The following ICE1 variants were observed in gnomAD, a reference collection of about 807,000 sequenced individuals.
The protein encoded by ICE1 is little elongation complex subunit 1.
In ICE1, 64 loss-of-function variants were observed where a neutral mutation model predicts 192.7. The ratio of observed to expected loss-of-function variants is 0.33; its 90% CI spans 0.27 to 0.41. The LOEUF (loss-of-function observed/expected upper bound fraction) is 0.41. Among genes scored for constraint, ICE1 ranks in the 10% least tolerant of loss-of-function variants. The pLI, the probability that ICE1 is intolerant of heterozygous loss-of-function variation, is 1.00. For synonymous variants in ICE1, 1,010 were observed against 984.5 expected (o/e 1.03, Z -0.49); for missense variants, 2,708 against 2,696.0 (o/e 1.00, Z -0.10).
chr5:5,468,795 C>CAA, intron 14 of ICE1, 33 bp from the exon 15 acceptor site: 1 of 1,315,164 alleles, frequency 7.6e-7, no homozygotes, highest in African/African-American at 1.5e-5. Flanking sequence ...GATCATACAT[C>CAA]AAAGAGTTAT....
chr5:5,464,249 C>T lies in ICE1; in HGVS notation c.4915C>T (p.Leu1639=). Residue 1639 remains leucine (L), a synonymous_variant, in exon 13 of 19, where the codon CTG becomes TTG. Transcript: ENST00000296564. The surrounding 1 kb of genome is among the most constrained non-coding windows in gnomAD (Gnocchi z 4.0). The stretch of plus-strand genomic sequence containing the variant: ...TCCTTTGCCGCCTCTGCTTGCTCCT[C>T]TGATAGCTACACCTCCAAGGACTTC... The part of the protein sequence containing the change: ...GPPLPPLLAP[L]IATPPRTSQP... 9 of 1,613,688 alleles carry T rather than the reference C, an allele frequency of 5.6e-6. No individual in the cohort carries two copies. The highest frequency in any genetic ancestry group is 7.6e-6 in the Non-Finnish European group (9 of 1,179,844).
chr5:5,436,409 T>C lies in ICE1; in HGVS notation c.85-9T>C. 6.8e-7 allele frequency: 1 copy of C among 1,460,430 alleles called. No individual in the cohort carries two copies. Among genetic ancestry groups the C allele is most frequent in the Non-Finnish European group, 9.1e-7 (1 of 1,099,390 alleles). The allele number at this position is 1,460,430 out of a possible 1,614,324, so 90.5% of individuals were successfully genotyped here. ...ATAAAAAAGCTGACTGTGGCTTTTT[T>C]TCTTTCAGAATTTGAATGAATATGT... On this transcript the variant is annotated splice_polypyrimidine_tract_variant and intron_variant, in intron 1 of 18. Transcript: ENST00000296564.
Position 5,462,689 on chromosome 5 carries a change from G to A in ICE1, c.3355G>A (p.Gly1119Arg). 6.2e-7 allele frequency: 1 copy of A among 1,613,910 alleles called. No homozygotes were observed. Among genetic ancestry groups the A allele is most frequent in the East Asian group, 2.2e-5 (1 of 44,876 alleles). Residue 1119 changes from glycine to arginine, a missense_variant, in exon 13 of 19, where the codon GGG (glycine) becomes AGG (arginine). Physicochemically the swap from Gly to Arg is moderately radical, Grantham distance 125 (BLOSUM62 -2). Around this residue, in one of 2 missense-constraint regions of ICE1, gnomAD observed 2,366 missense variants for 2,276.6 expected, o/e 1.04. Transcript: ENST00000296564. ...VESEAFSCSE[G>R]SEQQDAPDDS... ...GAGTGAGGCATTTAGCTGCAGTGAG[G>A]GGAGCGAACAGCAAGATGCTCCTGA...
intron 11 of ICE1, among the ~76,000 whole-genome samples, chr5:5,455,958 G>GT (rs201237982): frequency 4.0e-4 from 59 of 147,972 alleles, no homozygotes; most frequent in Middle Eastern, 7.1e-3. Flanking sequence ...AAAAGTTCCT[G>GT]TTTTTTTTTT....
intron 3 of ICE1, chr5:5,437,938 TACCTG>T (rs1395458985): frequency 1.3e-5 from 2 of 152,276 alleles, no homozygotes; most frequent in Non-Finnish European, 2.9e-5. Context: ...ATTTATGTCA[TACCTG>T]AACTTACATG....
chr5:5,440,702 A>G (rs1051355542), intron 4 of ICE1, among the ~76,000 whole-genome samples: 1 of 152,094 alleles, frequency 6.6e-6, no homozygotes, highest in Non-Finnish European at 1.5e-5. Flanking sequence ...CTCAAATAGT[A>G]AATAGTACTA....
intron 1 of ICE1, among the ~76,000 whole-genome samples, chr5:5,425,880 GT>G (rs1211791826): frequency 6.6e-6 from 1 of 152,204 alleles, no homozygotes; most frequent in Non-Finnish European, 1.5e-5. Context: ...GAAGAAAAAG[GT>G]TCTGAATATG....
chr5:5,456,573 A>G (rs1738588234), intron 11 of ICE1, among the ~76,000 whole-genome samples: 1 of 152,098 alleles, frequency 6.6e-6, no homozygotes, highest in South Asian at 2.1e-4. Flanking sequence ...TGGGTCCTTC[A>G]TAAATACTCC....
At chr5:5,470,039 G>A (rs1285841771) in intron 15 of ICE1, among the ~76,000 whole-genome samples, 1 of 152,066 alleles carries the variant, frequency 6.6e-6, no homozygotes, top group African/African-American at 2.4e-5. Context: ...GCCTTCCGAG[G>A]GTTACCTGTT....
At position 5,443,156 on chromosome 5, in the gene ICE1, C is replaced by A; in HGVS notation, c.310-12C>A. On this transcript the variant is annotated splice_polypyrimidine_tract_variant and intron_variant, in intron 5 of 18. Coordinates refer to ENST00000296564, the MANE Select transcript of ICE1 (RefSeq NM_015325.3). ...CATTTTGACAATATCTGTTTTTTTT[C>A]TTTTTTTAAAGAGTTCTTTAAAGTT... 1 of 1,414,602 alleles carries A rather than the reference C, an allele frequency of 7.1e-7. No homozygotes were observed. The highest frequency in any genetic ancestry group is 1.3e-5 in the South Asian group (1 of 74,074). The allele number at this position is 1,414,602 out of a possible 1,614,324, so 87.6% of individuals were successfully genotyped here.
Position 5,464,700 on chromosome 5 carries a change from C to T in ICE1, c.5366C>T (p.Pro1789Leu). 2 of 1,613,996 alleles carry T rather than the reference C, an allele frequency of 1.2e-6. No homozygotes were observed. The highest frequency in any genetic ancestry group is 1.7e-6 in the Non-Finnish European group (2 of 1,179,880). The change falls in exon 13 of 19, where the codon CCT becomes CTT. Residue 1789 changes from proline (P) to leucine (L), a missense_variant. By Grantham distance (98) the Pro-to-Leu change is moderately conservative. Around this residue, in one of 2 missense-constraint regions of ICE1, gnomAD observed 2,366 missense variants for 2,276.6 expected, o/e 1.04. Coordinates refer to ENST00000296564, the MANE Select transcript of ICE1 (RefSeq NM_015325.3). This position sits in a 1 kb window ranked among gnomAD's most constrained non-coding sequence, Gnocchi z 4.0. ...PPADCKNLPG[P>L]ASAMIGFKTI... ...GCTGACTGTAAGAATTTACCGGGAC[C>T]TGCCAGTGCTATGATAGGATTCAAA... is the stretch of plus-strand genomic sequence containing the variant.
chr5:5,432,018 C>T (rs1023494912), intron 1 of ICE1, among the ~76,000 whole-genome samples: 1 of 151,414 alleles, frequency 6.6e-6, no homozygotes, highest in Non-Finnish European at 1.5e-5. Flanking sequence ...TATTTTGAGT[C>T]TTTGTTAGCT....
chr5:5,461,312 A>G lies in ICE1; in HGVS notation c.1978A>G (p.Thr660Ala), dbSNP rs376762011. 1.9e-6 allele frequency: 3 copies of G among 1,613,802 alleles called. No individual in the cohort carries two copies. Among genetic ancestry groups the G allele is most frequent in the African/African-American group, 1.3e-5 (1 of 74,928 alleles). ...GLDCGNDTDI[T>A]TKVFSTEPHH... ...AGACTGTGGTAATGATACAGATATT[A>G]CTACTAAAGTATTCTCTACTGAACC... The change falls in exon 13 of 19, where the codon ACT becomes GCT. Residue 660 changes from threonine (T) to alanine (A), a missense_variant. Around this residue, in one of 2 missense-constraint regions of ICE1, gnomAD observed 2,366 missense variants for 2,276.6 expected, o/e 1.04. Transcript: ENST00000296564.
intron 16 of ICE1, among the ~76,000 whole-genome samples, chr5:5,475,438 G>A (rs1739280625): frequency 6.6e-6 from 1 of 152,186 alleles, no homozygotes; most frequent in Admixed American, 6.5e-5. Context: ...GAAAGAAGTA[G>A]ATAGATTTTT....
intron 14 of ICE1, among the ~76,000 whole-genome samples, chr5:5,468,167 C>T (rs1739045495): frequency 6.6e-6 from 1 of 152,218 alleles, no homozygotes; most frequent in African/African-American, 2.4e-5. Flanking sequence ...AAAGTACCTA[C>T]TTCACAAATC....
At position 5,489,159 on chromosome 5, in the gene ICE1, G is replaced by T; in HGVS notation, c.6630G>T (p.Trp2210Cys). The T allele has an allele frequency of 6.2e-7, 1 of 1,613,336 alleles. No homozygotes were observed. The highest frequency in any genetic ancestry group is 8.5e-7 in the Non-Finnish European group (1 of 1,179,540). The change falls in exon 19 of 19, where the codon TGG becomes TGT. Residue 2210 changes from tryptophan to cysteine, a missense_variant. Trp to Cys is a radical substitution (Grantham distance 215, BLOSUM62 -2). Around this residue, in one of 2 missense-constraint regions of ICE1, gnomAD observed 342 missense variants for 419.3 expected, o/e 0.82. Transcript: ENST00000296564. ...IQHAHDEDIP[W>C]GIQLAAVYAL... ...GAAATTTCTTTTCAGATATACCATGGGGTATACAGTTAGCAGCCGTGTATG... is the reference window on the plus strand; with the variant it reads ...GAAATTTCTTTTCAGATATACCATGTGGTATACAGTTAGCAGCCGTGTATG...
chr5:5,442,821 A>ACTTTATT (rs1290623742), intron 5 of ICE1, among the ~76,000 whole-genome samples: 2 of 152,166 alleles, frequency 1.3e-5, no homozygotes, highest in East Asian at 3.8e-4. Context: ...CCCTAGCAAT[A>ACTTTATT]CCGTTAGCTC....
rs868093698 is a variant in ICE1, at chr5:5,463,502, G to A, written c.4168G>A (p.Ala1390Thr). The change falls in exon 13 of 19, where the codon GCC (alanine) becomes ACC (threonine). Residue 1390 changes from alanine to threonine, a missense_variant. Around this residue, in one of 2 missense-constraint regions of ICE1, gnomAD observed 2,366 missense variants for 2,276.6 expected, o/e 1.04. Coordinates refer to ENST00000296564, the MANE Select transcript of ICE1 (RefSeq NM_015325.3). The stretch of plus-strand genomic sequence containing the variant: ...CATAGAGCAAAGTTCTAACTGCGAG[G>A]CCGAAACAACATTTCAGTGTCAGAT... ...PSIEQSSNCE[A>T]ETTFQCQIAT... The A allele has an allele frequency of 1.9e-6, 3 of 1,613,368 alleles. No homozygotes were observed. The highest frequency in any genetic ancestry group is 1.3e-5 in the African/African-American group (1 of 75,054).
rs547567482 is a variant in ICE1 at position 5,485,518 on chromosome 5, T to C, written c.6521-1203T>C. On this transcript the variant is annotated intron_variant, in intron 17 of 18. Transcript: ENST00000296564. ...TACTAGCCTTTTCAAATACGGATAT[T>C]CTTTTTTGATGCTACAATAAAACTC... 7.9e-5 allele frequency among the ~76,000 whole-genome samples: 12 copies of C among 152,378 alleles called. No homozygotes were observed. The East Asian group carries it at 1.7e-3, about 22-fold the overall frequency.
Sources: allele counts gnomAD v4.1 joint callset (sites outside exome capture counted in the v4.1 genomes callset), GRCh38; gene constraint gnomAD v4.1.1; regional missense constraint gnomAD v4.1.1; non-coding constraint Gnocchi (gnomAD v3.1); transcripts MANE v1.5; gene names NCBI Gene and HGNC (gene_info 2026-07-23, HGNC 2026-07-21).